LAMC1: variants seen among roughly 807,000 people sequenced by gnomAD.
LAMC1 encodes laminin subunit gamma 1.
Under a neutral mutation model 173.6 loss-of-function variants are expected in LAMC1, and 38 were observed. That is an observed-to-expected ratio of 0.22 (90% CI 0.17 to 0.29). The LOEUF (loss-of-function observed/expected upper bound fraction) is 0.29. Ranked by LOEUF, LAMC1 falls within the 10% of genes least tolerant of loss-of-function variation. The pLI is 1.00. For missense variants in LAMC1, 1,824 were observed against 2,051.8 expected (o/e 0.89, Z 2.14); for synonymous variants, 746 against 749.1 (o/e 1.00, Z 0.07).
At position 183,136,189 on chromosome 1, in the gene LAMC1, C is replaced by T. The variant is rs2296297; in HGVS notation, c.4115-197C>T. Among the ~76,000 whole-genome samples the T allele has an allele frequency of 0.52, 79,735 of 151,970 alleles. 21,426 individuals carry two copies. Among genetic ancestry groups the T allele is most frequent in the South Asian group, 0.64 (3,102 of 4,810 alleles). On this transcript the variant is annotated intron_variant, in intron 24 of 27. Transcript: ENST00000258341. ...GAAGTAAGAATTCTATTTCCAGAAA[C>T]GGAACATTTCTATAACACTAACTGG...
chr1:183,061,634 A>G (rs1558035999), intron 1 of LAMC1, among the ~76,000 whole-genome samples: 1 of 152,152 alleles, frequency 6.6e-6, no homozygotes, highest in Non-Finnish European at 1.5e-5. Flanking sequence ...TTGTTCATAG[A>G]TTATGAAAAA....
chr1:183,079,271 T>TTTTTTTTG (rs1655204673), intron 1 of LAMC1, among the ~76,000 whole-genome samples: 1 of 92,456 alleles, frequency 1.1e-5, no homozygotes, highest in African/African-American at 4.3e-5. Context: ...TTTTTTTTTT[T>TTTTTTTTG]TGAGATGGAG....
chr1:183,127,536 G>T, intron 17 of LAMC1, 132 bp downstream of exon 17: 1 of 680,052 alleles, frequency 1.5e-6, no homozygotes, highest in South Asian at 2.2e-5. Flanking sequence ...TTATGTTCCA[G>T]TTGGGAGGCA....
intron 1 of LAMC1, among the ~76,000 whole-genome samples, chr1:183,102,280 A>G (rs1398392213): frequency 1.3e-5 from 2 of 152,132 alleles, no homozygotes; most frequent in East Asian, 3.9e-4. Flanking sequence ...GAGGGTTGGG[A>G]TGGTTCTTGA....
Position 183,130,512 on chromosome 1 carries a change from G to A in LAMC1, c.3449G>A (p.Arg1150Lys). ...NTERLIEIASRELEKAKVAAA... is the reference protein window; with the variant it reads ...NTERLIEIASKELEKAKVAAA... ...GAGCGGTTGATTGAAATCGCATCCA[G>A]AGAACTTGAGAAAGCAAAAGTCGCT... is the stretch of plus-strand genomic sequence containing the variant. The change falls in exon 19 of 28, where the codon AGA (arginine) becomes AAA (lysine). Residue 1150 changes from arginine (R) to lysine (K), a missense_variant. Transcript: ENST00000258341. The A allele has an allele frequency of 6.2e-7, 1 of 1,614,206 alleles. No homozygotes were observed. Among genetic ancestry groups the A allele is most frequent in the Non-Finnish European group, 8.5e-7 (1 of 1,180,046 alleles).
intron 4 of LAMC1, 115 bp from the exon 5 acceptor site, chr1:183,114,416 T>C: frequency 9.7e-7 from 1 of 1,032,070 alleles, no homozygotes; most frequent in Non-Finnish European, 1.5e-6. Context: ...TCATTCTTAG[T>C]CTACCACCAT....
rs375294323 is a variant in LAMC1, at chr1:183,115,559, G to A, written c.1250G>A (p.Ser417Asn). 1.2e-6 allele frequency: 2 copies of A among 1,613,958 alleles called. No homozygotes were observed. Among genetic ancestry groups the A allele is most frequent in the African/African-American group, 1.3e-5 (1 of 74,918 alleles). The change falls in exon 6 of 28, where the codon AGC becomes AAC. Residue 417 changes from serine (S) to asparagine (N), a missense_variant. Ser to Asn is a conservative substitution (Grantham distance 46, BLOSUM62 1). Coordinates refer to ENST00000258341, the MANE Select transcript of LAMC1 (RefSeq NM_002293.4). Reference sequence around the variant, plus strand: ...CAGTGTGATAGTTACGGCAGATGCAGCTGTAAGCCAGGAGTGATGGGGGAC... The same window carrying A: ...CAGTGTGATAGTTACGGCAGATGCAACTGTAAGCCAGGAGTGATGGGGGAC... ...STQCDSYGRC[S>N]CKPGVMGDKC...
chr1:183,108,192 A>T, intron 2 of LAMC1, 84 bp from the exon 3 acceptor site: 1 of 1,253,086 alleles, frequency 8.0e-7, no homozygotes, highest in Non-Finnish European at 1.2e-6. Context: ...ATAATAAGTT[A>T]GTGATTTAGA....
chr1:183,078,308 C>T (rs1042076600), intron 1 of LAMC1, among the ~76,000 whole-genome samples: 3 of 152,114 alleles, frequency 2.0e-5, no homozygotes, highest in African/African-American at 7.2e-5. Flanking sequence ...GCTGGTCAGG[C>T]GCGGTGGCTC....
chr1:183,048,295 G>A (rs768488470), intron 1 of LAMC1, among the ~76,000 whole-genome samples: 3 of 152,164 alleles, frequency 2.0e-5, no homozygotes, highest in Non-Finnish European at 4.4e-5. Context: ...GCAGAGATAC[G>A]TCATTGTCCC....
intron 1 of LAMC1, among the ~76,000 whole-genome samples, chr1:183,102,836 G>GTAGAAGAATAGAGCTGATGATATTCT (rs1655869483): frequency 6.6e-6 from 1 of 152,076 alleles, no homozygotes; most frequent in South Asian, 2.1e-4. Flanking sequence ...TGGTAGATAA[G>GTAGAAGAATAGAGCTGATGATATTCT]TAGAAGAATA....
intron 1 of LAMC1, among the ~76,000 whole-genome samples, chr1:183,049,396 T>A (rs1654349284): frequency 1.3e-5 from 2 of 152,178 alleles, no homozygotes. Context: ...AGAGGTTGTG[T>A]CAATACCATA....
At chr1:183,057,969 T>A (rs888190116) in intron 1 of LAMC1, among the ~76,000 whole-genome samples, 3 of 152,350 alleles carry the variant, frequency 2.0e-5, no homozygotes, top group Admixed American at 6.5e-5. Context: ...AAGTCCTCTT[T>A]AGAAGGATTT....
At chr1:183,046,678 T>G (rs947461789) in intron 1 of LAMC1, among the ~76,000 whole-genome samples, 4 of 152,130 alleles carry the variant, frequency 2.6e-5, no homozygotes, top group African/African-American at 9.6e-5. Flanking sequence ...CTTGCTTAAT[T>G]GTTTTATTCT....
At chr1:183,050,678 G>C (rs1654400197) in intron 1 of LAMC1, among the ~76,000 whole-genome samples, 1 of 148,890 alleles carries the variant, frequency 6.7e-6, no homozygotes, top group Non-Finnish European at 1.5e-5. Context: ...GATCACATGA[G>C]GTCAGGAGTT....
intron 1 of LAMC1, among the ~76,000 whole-genome samples, chr1:183,073,021 A>G (rs1388076614): frequency 6.6e-6 from 1 of 152,238 alleles, no homozygotes; most frequent in Non-Finnish European, 1.5e-5. Context: ...AATAAAGTGC[A>G]CAATAAATGT....
chr1:183,127,435 A>G (rs771113348), intron 17 of LAMC1, 31 bp downstream of exon 17: 3 of 1,606,324 alleles, frequency 1.9e-6, no homozygotes, highest in East Asian at 4.5e-5. Flanking sequence ...TCATTCATTC[A>G]TCCAGCAGAC....
intron 1 of LAMC1, among the ~76,000 whole-genome samples, chr1:183,038,382 T>A (rs1654038119): frequency 6.6e-6 from 1 of 152,194 alleles, no homozygotes; most frequent in African/African-American, 2.4e-5. Flanking sequence ...GGAGAGTGGG[T>A]GGCACCCTGT....
chr1:183,023,948 G>T lies in LAMC1; in HGVS notation c.232G>T (p.Val78Leu), dbSNP rs1270026418. 5.6e-6 allele frequency: 9 copies of T among 1,613,342 alleles called. No homozygotes were observed. The highest frequency in any genetic ancestry group is 7.6e-6 in the Non-Finnish European group (9 of 1,179,974). ...TGGGACTCCGCCCGAGGAATACTGT[G>T]TGCAGACCGGGGTGACCGGGGTCAC... is the stretch of plus-strand genomic sequence containing the variant. ...TCGTPPEEYC[V>L]QTGVTGVTKS... Residue 78 changes from valine (V) to leucine (L), a missense_variant, in exon 1 of 28, where the codon GTG (valine) becomes TTG (leucine). Coordinates refer to ENST00000258341, the MANE Select transcript of LAMC1 (RefSeq NM_002293.4).
Sources: gnomAD v4.1 joint callset for allele counts (sites outside exome capture counted in the v4.1 genomes callset) on GRCh38, gnomAD v4.1.1 for gene constraint, MANE v1.5 for transcripts, NCBI Gene and HGNC (gene_info 2026-07-23, HGNC 2026-07-21) for gene names.